Variants in NCOR1 observed in about 807,000 individuals in gnomAD.
The protein encoded by NCOR1 is protein phosphatase 1, regulatory subunit 109.
Under a neutral mutation model 288.1 loss-of-function variants are expected in NCOR1, and 63 were observed. The ratio of observed to expected loss-of-function variants is 0.22; its 90% confidence interval spans 0.18 to 0.27. The LOEUF is 0.27. Ranked by LOEUF, NCOR1 falls within the 10% of genes least tolerant of loss-of-function variation. NCOR1 has a pLI of 1.00. For synonymous variants in NCOR1, 1,007 were observed against 1,065.9 expected, an observed-to-expected ratio of 0.94 and a Z score of 1.08; for missense variants, 2,397 against 3,019.2, an observed-to-expected ratio of 0.79 and a Z score of 4.83.
intron 22 of NCOR1, among the ~76,000 whole-genome samples, chr17:16,086,855 A>G (rs2064311197): frequency 6.6e-6 from 1 of 152,222 alleles, no homozygotes; most frequent in Non-Finnish European, 1.5e-5. Context: ...GCATATTGAG[A>G]AACACTTACT....
rs1379969902 is a variant in NCOR1, at chr17:16,121,195, C to T, written c.1709G>A (p.Arg570Gln). Residue 570 changes from arginine (R) to glutamine (Q), a missense_variant, in exon 16 of 46, where the codon CGG becomes CAG. By Grantham distance (43) the Arg-to-Gln change is conservative. Transcript: ENST00000268712. The stretch of plus-strand genomic sequence containing the variant: ...CTGACTGTTGGCAGTCTTTCGCCCC[C>T]GGGGTGTGGCTTGCTCTCTTTCCTC... ...ETEEREQATPRGRKTANSQGR... is the reference protein window; with the variant it reads ...ETEEREQATPQGRKTANSQGR... 1 of 1,613,972 alleles carries T rather than the reference C, an allele frequency of 6.2e-7. No homozygotes were observed. Among genetic ancestry groups the T allele is most frequent in the African/African-American group, 1.3e-5 (1 of 74,910 alleles).
chr17:16,169,629 C>G (rs1484554708), intron 4 of NCOR1, among the ~76,000 whole-genome samples: 1 of 109,130 alleles, frequency 9.2e-6, no homozygotes, highest in African/African-American at 3.2e-5. Flanking sequence ...AATTTCAACT[C>G]AGGAGTTACT....
chr17:16,087,822 T>G (rs1200397824), intron 22 of NCOR1, among the ~76,000 whole-genome samples: 1 of 152,188 alleles, frequency 6.6e-6, no homozygotes, highest in Non-Finnish European at 1.5e-5. Context: ...AATTCAAAAA[T>G]CCTACATAAG....
chr17:16,091,885 C>A lies in NCOR1; in HGVS notation c.2994G>T (p.Lys998Asn). Residue 998 changes from lysine (K) to asparagine (N), a missense_variant, in exon 22 of 46, where the codon AAG becomes AAT. Physicochemically the swap from Lys to Asn is moderately conservative, Grantham distance 94. Around this residue, in one of 11 missense-constraint regions of NCOR1, gnomAD observed 1,872 missense variants for 2,187.8 expected, o/e 0.86. Transcript: ENST00000268712. ...TACCTTCCCACTCTCTGTTTGGACT[C>A]TTGGATGTGCCACATGGACTTGTAG... is the stretch of plus-strand genomic sequence containing the variant. ...RSSTSPCGTS[K>N]SPNREWEVLQ... The A allele has an allele frequency of 6.2e-7, 1 of 1,614,124 alleles. No homozygotes were observed. Among genetic ancestry groups the A allele is most frequent in the African/African-American group, 1.3e-5 (1 of 75,034 alleles).
rs770322978 is a variant in NCOR1, at chr17:16,125,442, C to T, written c.1634+640G>A. Reference sequence around the variant, plus strand: ...TTACTAGGCTGGGCGCAGTGGCTCACGTCTATAATCCCAGCACTTTGGGAG... The same window carrying T: ...TTACTAGGCTGGGCGCAGTGGCTCATGTCTATAATCCCAGCACTTTGGGAG... On this transcript the variant is annotated intron_variant, in intron 15 of 45. Coordinates refer to ENST00000268712, the MANE Select transcript of NCOR1 (RefSeq NM_006311.4). 1.1e-4 allele frequency among the ~76,000 whole-genome samples: 17 copies of T among 151,918 alleles called. 1 individual carries two copies. The highest frequency in any genetic ancestry group is 2.9e-5 in the Non-Finnish European group (2 of 67,980).
intron 26 of NCOR1, among the ~76,000 whole-genome samples, chr17:16,078,911 T>C: frequency 6.6e-6 from 1 of 152,208 alleles, no homozygotes; most frequent in East Asian, 1.9e-4. Flanking sequence ...TGTAACTTTC[T>C]TTTCTTCTGT....
chr17:16,087,273 G>C (rs2064390325), intron 22 of NCOR1: 1 of 1,304,196 alleles, frequency 7.7e-7, no homozygotes, highest in African/African-American at 1.5e-5. Context: ...CCTTGCTGCA[G>C]TATTGTGCAT....
intron 3 of NCOR1, among the ~76,000 whole-genome samples, chr17:16,182,322 G>T (rs530958751): frequency 6.6e-6 from 1 of 152,072 alleles, no homozygotes; most frequent in Admixed American, 6.6e-5. Flanking sequence ...GTAATAAAAT[G>T]TATACATATA....
intron 19 of NCOR1, among the ~76,000 whole-genome samples, chr17:16,106,879 ATATATTTTTTTTTT>A (rs1370368749): frequency 5.4e-3 from 315 of 58,792 alleles, no homozygotes; most frequent in Middle Eastern, 8.8e-3. Context: ...ATATATATAT[ATATATTTTTTTTTT>A]TTTTTTTTTT....
chr17:16,127,109 GTATA>G (rs139112489), intron 14 of NCOR1, among the ~76,000 whole-genome samples: 3 of 64,084 alleles, frequency 4.7e-5, no homozygotes, highest in African/African-American at 4.4e-5. Flanking sequence ...GTGTGTGTGT[GTATA>G]TGTATATATC....
chr17:16,091,581 TA>T, intron 22 of NCOR1: 3 of 1,253,468 alleles, frequency 2.4e-6, no homozygotes, highest in South Asian at 3.7e-5. Context: ...GAACGGAACA[TA>T]AAGCATAACT....
rs1278411476 is a variant in NCOR1 at position 16,171,907 on chromosome 17, G to C, written c.331C>G (p.Leu111Val). The C allele has an allele frequency of 2.5e-6, 4 of 1,613,296 alleles. No homozygotes were observed. In the Admixed American group the frequency reaches 5.0e-5, roughly 20 times the overall value. Residue 111 changes from leucine (L) to valine (V), a missense_variant, in exon 4 of 46, where the codon CTG becomes GTG. Leu to Val is a conservative substitution (Grantham distance 32, BLOSUM62 1). Around this residue, in one of 11 missense-constraint regions of NCOR1, gnomAD observed 110 missense variants for 123.2 expected, o/e 0.89. Transcript: ENST00000268712. ...HDSLESKRPR[L>V]EQVSDSHFQR... is the part of the protein sequence containing the mutation. The stretch of plus-strand genomic sequence containing the variant: ...AAATGAGAATCAGAAACCTGTTCCA[G>C]ACGTGGTCGCTTCGATTCCAGTGAA...
intron 4 of NCOR1, 104 bp from the exon 5 acceptor site, chr17:16,165,265 C>G: frequency 2.4e-6 from 2 of 842,122 alleles, no homozygotes; most frequent in Non-Finnish European, 3.6e-6. Context: ...GCCATGTGTA[C>G]TATTTGTCTA....
intron 1 of NCOR1, among the ~76,000 whole-genome samples, chr17:16,211,878 T>A (rs1329227655): frequency 6.6e-6 from 1 of 152,212 alleles, no homozygotes; most frequent in East Asian, 1.9e-4. Flanking sequence ...AGTTTTCCAG[T>A]GCTCTTAAAA....
intron 42 of NCOR1, among the ~76,000 whole-genome samples, chr17:16,042,747 CTG>C (rs1439933863): frequency 6.6e-6 from 1 of 152,136 alleles, no homozygotes; most frequent in Non-Finnish European, 1.5e-5. Context: ...TAACTGTTAA[CTG>C]TGGTAGGGAA....
At chr17:16,093,594 G>A (rs1205987442) in intron 21 of NCOR1, among the ~76,000 whole-genome samples, 1 of 152,132 alleles carries the variant, frequency 6.6e-6, no homozygotes, top group Non-Finnish European at 1.5e-5. Flanking sequence ...AGCCCTAGAG[G>A]TCTGACTTTT....
chr17:16,196,624 G>C (rs1324744941), intron 1 of NCOR1, among the ~76,000 whole-genome samples: 2 of 152,110 alleles, frequency 1.3e-5, no homozygotes, highest in African/African-American at 4.8e-5. Context: ...AGGAGATCGA[G>C]ACCATCCTGG....
chr17:16,167,784 C>A (rs2082291776), intron 4 of NCOR1, among the ~76,000 whole-genome samples: 1 of 137,700 alleles, frequency 7.3e-6, no homozygotes, highest in Non-Finnish European at 1.5e-5. Flanking sequence ...GGCTTGAACC[C>A]GGGAGGCGGA....
intron 12 of NCOR1, 130 bp from the exon 13 acceptor site, chr17:16,138,342 T>C (rs2076720965): frequency 5.7e-6 from 4 of 700,308 alleles, no homozygotes; most frequent in Non-Finnish European, 4.7e-6. Flanking sequence ...CCCAGCACTT[T>C]GGGAGGCCGA....
Sources: gnomAD v4.1 joint callset for allele counts (sites outside exome capture counted in the v4.1 genomes callset) on GRCh38, gnomAD v4.1.1 for gene constraint, gnomAD v4.1.1 regional missense constraint, MANE v1.5 for transcripts, NCBI Gene and HGNC (gene_info 2026-07-23, HGNC 2026-07-21) for gene names.